Variants in MAP4K1 observed in about 807,000 individuals in gnomAD.
The protein encoded by MAP4K1 is MAPK/ERK kinase kinase kinase 1.
A neutral mutation model predicts 122.8 loss-of-function variants in MAP4K1; 35 were observed. The ratio of observed to expected loss-of-function variants is 0.29; its 90% CI spans 0.22 to 0.38. The LOEUF is 0.38. Ranked by LOEUF, MAP4K1 falls within the 10% of genes least tolerant of loss-of-function variation. The pLI, the probability that MAP4K1 is intolerant of heterozygous loss-of-function variation, is 1.00. For missense variants in MAP4K1, 791 were observed against 1,072.6 expected (o/e 0.74, Z 3.67); for synonymous variants, 412 against 421.3 (o/e 0.98, Z 0.27).
rs17847696 is a variant in MAP4K1 at position 38,612,665 on chromosome 19, G to A, written c.611C>T (p.Thr204Met). The part of the protein sequence containing the change: ...ELCDIWSLGI[T>M]AIELAELQPP... ...CTGTAGCTCGGCCAGTTCGATGGCC[G>A]TGATGCCCAGGGACCAGATGTCACA... is the stretch of plus-strand genomic sequence containing the variant. Residue 204 changes from threonine to methionine, a missense_variant, in exon 9 of 31, where the codon ACG becomes ATG. Physicochemically the swap from Thr to Met is moderately conservative, Grantham distance 81. Transcript: ENST00000396857. 64 of 1,613,676 alleles carry A rather than the reference G, an allele frequency of 4.0e-5. No individual in the cohort carries two copies. In the East Asian group the frequency reaches 8.5e-4, roughly 21 times the overall value.
In MAP4K1 at chr19:38,596,295, G is replaced by A; in HGVS notation, c.2116+17C>T. 2 of 1,538,642 alleles carry A rather than the reference G, an allele frequency of 1.3e-6. No individual in the cohort carries two copies. The highest frequency in any genetic ancestry group is 3.5e-4 in the Middle Eastern group (2 of 5,788). ...ATCTGATAAGCCCCGCCCTCAGCAAGACTCCGCCCCACTCACCGGTGCTCA... is the reference window on the plus strand; with the variant it reads ...ATCTGATAAGCCCCGCCCTCAGCAAAACTCCGCCCCACTCACCGGTGCTCA... On this transcript the variant is annotated intron_variant, in intron 26 of 30. Coordinates refer to ENST00000396857, the MANE Select transcript of MAP4K1 (RefSeq NM_001042600.3).
chr19:38,587,939 A>AGG, intron 30 of MAP4K1, 122 bp from the exon 31 acceptor site: 1 of 746,056 alleles, frequency 1.3e-6, no homozygotes, highest in Non-Finnish European at 2.4e-6. Context: ...GTGAATGGGC[A>AGG]GACACGGTCC....
Position 38,605,474 on chromosome 19 carries a change from G to A in MAP4K1, c.1381C>T (p.Pro461Ser), listed in dbSNP as rs773080303. The A allele has an allele frequency of 6.3e-7, 1 of 1,593,930 alleles. No individual in the cohort carries two copies. The highest frequency in any genetic ancestry group is 8.5e-7 in the Non-Finnish European group (1 of 1,171,968). Residue 461 changes from proline (P) to serine (S), a missense_variant, in exon 19 of 31, where the codon CCA becomes TCA. Physicochemically the swap from Pro to Ser is moderately conservative, Grantham distance 74. This residue lies in a region of MAP4K1 where 303 missense variants were observed against 344.8 expected (regional missense o/e 0.88). Transcript: ENST00000396857. ...GGCTTGTCAAGCTCCCGGGAGGGTG[G>A]GTTCCAGAGTGAGGGTTCTGAGAGG... The part of the protein sequence containing the change: ...TAHSEPSLWN[P>S]PSRELDKPPL...
intron 3 of MAP4K1, 112 bp from the exon 4 acceptor site, chr19:38,616,371 C>G: frequency 1.5e-6 from 1 of 681,786 alleles, no homozygotes; most frequent in East Asian, 3.0e-5. Context: ...TTTAACGTAA[C>G]AGCTCTCATC....
intron 12 of MAP4K1, 78 bp downstream of exon 12, chr19:38,609,831 G>T: frequency 7.2e-7 from 1 of 1,383,290 alleles, no homozygotes; most frequent in Non-Finnish European, 1.0e-6. Flanking sequence ...AGAGGCAGCA[G>T]GAAGGCACTG....
At chr19:38,600,799 A>ATTTTTTTTTTTTT (rs560496607) in intron 20 of MAP4K1, among the ~76,000 whole-genome samples, 5 of 90,958 alleles carry the variant, frequency 5.5e-5, no homozygotes, top group Non-Finnish European at 1.1e-4. Flanking sequence ...CCCTCTACCC[A>ATTTTTTTTTTTTT]TTTTTTTTTT....
At chr19:38,613,721 A>C (rs1301041827) in intron 8 of MAP4K1, among the ~76,000 whole-genome samples, 159 bp downstream of exon 8, 1 of 151,862 alleles carries the variant, frequency 6.6e-6, no homozygotes, top group Non-Finnish European at 1.5e-5. Context: ...AGAGAGGAAA[A>C]TGGAAAACTC....
chr19:38,606,876 G>A (rs1338870444), intron 16 of MAP4K1, among the ~76,000 whole-genome samples: 1 of 152,198 alleles, frequency 6.6e-6, no homozygotes, highest in African/African-American at 2.4e-5. Context: ...GCACGTGATG[G>A]GTGAAGTGAG....
At chr19:38,587,874 T>C in intron 30 of MAP4K1, 57 bp from the exon 31 acceptor site, 1 of 1,356,590 alleles carries the variant, frequency 7.4e-7, no homozygotes, top group Non-Finnish European at 1.1e-6. Context: ...CATTGATTCA[T>C]TAATTCACAA....
At chr19:38,601,101 C>T (rs562352241) in intron 20 of MAP4K1, among the ~76,000 whole-genome samples, 5 of 150,288 alleles carry the variant, frequency 3.3e-5, no homozygotes, top group African/African-American at 9.8e-5. Flanking sequence ...CCACCATGCC[C>T]GGCCTACCTA....
At chr19:38,596,046 C>A in intron 26 of MAP4K1, 45 bp from the exon 27 acceptor site, 2 of 1,580,056 alleles carry the variant, frequency 1.3e-6, no homozygotes, top group Non-Finnish European at 1.7e-6. Context: ...CCCCATTCCC[C>A]TTTCCCCACA....
intron 30 of MAP4K1, among the ~76,000 whole-genome samples, chr19:38,590,389 AAAAAAATATAT>A (rs1176783712): frequency 1.1e-4 from 5 of 46,922 alleles, no homozygotes; most frequent in Admixed American, 2.7e-4. Context: ...AAAAAAAAAA[AAAAAAATATAT>A]ATATATATAT....
intron 11 of MAP4K1, among the ~76,000 whole-genome samples, chr19:38,610,621 A>G (rs1287741773): frequency 6.6e-6 from 1 of 151,990 alleles, no homozygotes; most frequent in Non-Finnish European, 1.5e-5. Flanking sequence ...CCTGACCTCA[A>G]GTGATCCATC....
chr19:38,601,559 C>A (rs1430908761), intron 19 of MAP4K1, 34 bp from the exon 20 acceptor site: 2 of 1,537,398 alleles, frequency 1.3e-6, no homozygotes, highest in Admixed American at 1.8e-5. Flanking sequence ...GGCAGCAGAT[C>A]CGGCAAAGAG....
At chr19:38,616,315 G>A in intron 3 of MAP4K1, 56 bp from the exon 4 acceptor site, 1 of 1,422,062 alleles carries the variant, frequency 7.0e-7, no homozygotes, top group Non-Finnish European at 9.7e-7. Flanking sequence ...ATTATTTGCA[G>A]GAAAGCCCCT....
Position 38,611,232 on chromosome 19 carries a change from C to T in MAP4K1, c.728+11G>A, listed in dbSNP as rs746376043. On this transcript the variant is annotated intron_variant, in intron 10 of 30. Transcript: ENST00000396857. Reference sequence around the variant, plus strand: ...CCCTCTCTCACCCTCCCTCCTGTTACTCTCTCGTACCATTTGCCTTTTTCC... The same window carrying T: ...CCCTCTCTCACCCTCCCTCCTGTTATTCTCTCGTACCATTTGCCTTTTTCC... 1.2e-6 allele frequency: 2 copies of T among 1,612,242 alleles called. No homozygotes were observed. The highest frequency in any genetic ancestry group is 3.3e-5 in the Admixed American group (2 of 59,992).
chr19:38,610,352 C>T (rs1975459009), intron 11 of MAP4K1, among the ~76,000 whole-genome samples: 2 of 144,054 alleles, frequency 1.4e-5, no homozygotes, highest in South Asian at 2.2e-4. Context: ...ATTACAGGCT[C>T]GTGCCACCAC....
chr19:38,600,319 G>A (rs1488328165), intron 20 of MAP4K1, among the ~76,000 whole-genome samples, 166 bp from the exon 21 acceptor site: 4 of 152,234 alleles, frequency 2.6e-5, no homozygotes, highest in Middle Eastern at 3.4e-3. Flanking sequence ...AGCCAGAGCG[G>A]ACGGTCCCGC....
Position 38,613,875 on chromosome 19 carries a change from C to T in MAP4K1, c.533+5G>A. On this transcript the variant is annotated splice_donor_5th_base_variant and intron_variant, in intron 8 of 30. Coordinates refer to ENST00000396857, the MANE Select transcript of MAP4K1 (RefSeq NM_001042600.3). ...ACCCCTAGCTGCCCGCTGGGCGCCA[C>T]TCACCAGTAGGGTGTCCCAATGAAA... The T allele has an allele frequency of 6.2e-7, 1 of 1,603,882 alleles. No homozygotes were observed. The highest frequency in any genetic ancestry group is 1.1e-5 in the South Asian group (1 of 89,806).
Sources: gnomAD v4.1 joint callset for allele counts (sites outside exome capture counted in the v4.1 genomes callset) on GRCh38, gnomAD v4.1.1 for gene constraint, gnomAD v4.1.1 regional missense constraint, MANE v1.5 for transcripts, NCBI Gene and HGNC (gene_info 2026-07-23, HGNC 2026-07-21) for gene names.